Variants in BMP2K observed in about 807,000 individuals in gnomAD.
The protein encoded by BMP2K is BMP2 inducible kinase, also known as BMP-2-inducible protein kinase.
BMP2K carries 74 observed loss-of-function variants against 116.0 expected under a neutral mutation model. The ratio of observed to expected loss-of-function variants is 0.64; its 90% CI spans 0.53 to 0.77. The LOEUF (loss-of-function observed/expected upper bound fraction) is 0.77, where lower values mean the gene tolerates loss of function less well. Ranked by LOEUF, BMP2K falls within the 30% of genes least tolerant of loss-of-function variation. The pLI is 0.00. For synonymous variants in BMP2K, 486 were observed against 502.5 expected, an observed-to-expected ratio of 0.97 and a Z score of 0.44; for missense variants, 1,365 against 1,403.6, an observed-to-expected ratio of 0.97 and a Z score of 0.44.
chr4:78,794,712 G>A (rs1728169990), intron 1 of BMP2K, among the ~76,000 whole-genome samples: 1 of 152,042 alleles, frequency 6.6e-6, no homozygotes, highest in Non-Finnish European at 1.5e-5. Flanking sequence ...ACAGGCATGT[G>A]CCACTGCACC....
chr4:78,831,010 G>A (rs950041784), intron 2 of BMP2K, among the ~76,000 whole-genome samples: 12 of 152,238 alleles, frequency 7.9e-5, no homozygotes, highest in East Asian at 7.7e-4. Context: ...CTTAGATGTC[G>A]CGCTTCTTTG....
At chr4:78,850,796 GA>G (rs1271919222) in intron 6 of BMP2K, 127 bp from the exon 7 acceptor site, 48 of 838,124 alleles carry the variant, frequency 5.7e-5, no homozygotes, top group Non-Finnish European at 3.5e-6. Flanking sequence ...ATTTTTTTAA[GA>G]AATAATTTGT....
chr4:78,796,063 A>G (rs1728251076), intron 1 of BMP2K, among the ~76,000 whole-genome samples: 1 of 152,042 alleles, frequency 6.6e-6, no homozygotes, highest in South Asian at 2.1e-4. Flanking sequence ...AGGACTATAA[A>G]TCATGCTGCT....
intron 15 of BMP2K, among the ~76,000 whole-genome samples, chr4:78,905,671 T>C (rs1380523030): frequency 2.0e-5 from 3 of 152,006 alleles, no homozygotes; most frequent in African/African-American, 7.2e-5. Context: ...TAAAGCAACA[T>C]ATTTAGGCTT....
At chr4:78,900,253 A>G (rs543496234) in intron 15 of BMP2K, among the ~76,000 whole-genome samples, 1 of 152,320 alleles carries the variant, frequency 6.6e-6, no homozygotes, top group South Asian at 2.1e-4. Context: ...AACATTCAAA[A>G]TATGTTATTA....
chr4:78,898,513 G>A (rs1733828454), intron 15 of BMP2K, among the ~76,000 whole-genome samples: 2 of 151,002 alleles, frequency 1.3e-5, no homozygotes, highest in Non-Finnish European at 1.5e-5. Flanking sequence ...GAAATGGAAG[G>A]ACTTTAAAAC....
Position 78,914,955 on chromosome 4 carries a change from A to G in BMP2K, c.*2922A>G, listed in dbSNP as rs1239097234. 1 of 151,968 alleles carries G rather than the reference A, an allele frequency of 6.6e-6. No homozygotes were observed. Among genetic ancestry groups the G allele is most frequent in the Non-Finnish European group, 1.5e-5 (1 of 67,926 alleles). The allele number at this position is 151,968 out of a possible 1,614,324, so 9.4% of individuals were successfully genotyped here. On this transcript the variant is annotated 3_prime_UTR_variant, in exon 16 of 16. Coordinates refer to ENST00000502613, the MANE Select transcript of BMP2K (RefSeq NM_198892.2). ...AAGTGGACCATTTGCTTATTTTAATATCACGTCAGTAAAATGTTAGTATTA... is the reference window on the plus strand; with the variant it reads ...AAGTGGACCATTTGCTTATTTTAATGTCACGTCAGTAAAATGTTAGTATTA...
At position 78,911,864 on chromosome 4, in the gene BMP2K, A is replaced by AT; in HGVS notation, c.3319dup (p.Ser1107PhefsTer8). ...GTCCTGCCAGGGCGGCCAAGACAAAATTCACTACATGGGTCATTCCATAGT... is the reference window on the plus strand; with the variant it reads ...GTCCTGCCAGGGCGGCCAAGACAAAATTTCACTACATGGGTCATTCCATAGT... On this transcript the variant is annotated frameshift_variant, in exon 16 of 16. Transcript: ENST00000502613. LOFTEE classifies it high-confidence loss of function. 6.2e-7 allele frequency: 1 copy of AT among 1,613,980 alleles called. No individual in the cohort carries two copies. The highest frequency in any genetic ancestry group is 8.5e-7 in the Non-Finnish European group (1 of 1,179,886).
At chr4:78,871,728 C>G in intron 11 of BMP2K, 122 bp from the exon 12 acceptor site, 1 of 547,694 alleles carries the variant, frequency 1.8e-6, no homozygotes, top group East Asian at 3.1e-5. Flanking sequence ...TAGAGTATAG[C>G]TATTTTGTAT....
intron 3 of BMP2K, among the ~76,000 whole-genome samples, chr4:78,839,846 T>C (rs1463970128): frequency 6.6e-6 from 1 of 152,108 alleles, no homozygotes; most frequent in African/African-American, 2.4e-5. Flanking sequence ...CTTTTTATTC[T>C]GGCTGTGCTG....
intron 1 of BMP2K, among the ~76,000 whole-genome samples, chr4:78,821,355 A>G (rs906815135): frequency 6.6e-6 from 1 of 151,940 alleles, no homozygotes; most frequent in Non-Finnish European, 1.5e-5. Flanking sequence ...CATTATCTGT[A>G]TGTTTTTTCC....
rs999456197 is a variant in BMP2K, at chr4:78,799,615, T to C, written c.178+22894T>C. ...AGAGTTTTACATCCAAGTTTTATCT[T>C]AGTATGATTTGGCTTTTGTATCAAA... On this transcript the variant is annotated intron_variant, in intron 1 of 15. Transcript: ENST00000502613. Among the ~76,000 whole-genome samples the C allele has an allele frequency of 2.0e-5, 3 of 152,234 alleles. No homozygotes were observed. In the South Asian group the frequency reaches 6.2e-4, roughly 31 times the overall value.
chr4:78,835,152 C>T (rs1413796799), intron 3 of BMP2K, among the ~76,000 whole-genome samples: 1 of 152,140 alleles, frequency 6.6e-6, no homozygotes, highest in African/African-American at 2.4e-5. Context: ...AAATGACCTT[C>T]AAGTTTTAGG....
At chr4:78,894,838 C>T (rs1031695312) in intron 15 of BMP2K, among the ~76,000 whole-genome samples, 3 of 152,164 alleles carry the variant, frequency 2.0e-5, no homozygotes, top group Admixed American at 6.5e-5. Context: ...AGATGCATCT[C>T]GTCCTTTCAC....
intron 7 of BMP2K, among the ~76,000 whole-genome samples, chr4:78,854,008 G>A (rs948592206): frequency 2.6e-5 from 4 of 152,004 alleles, no homozygotes; most frequent in African/African-American, 9.7e-5. Context: ...ATGCTTTGAA[G>A]TGGAATTTGG....
intron 15 of BMP2K, among the ~76,000 whole-genome samples, chr4:78,894,777 C>T (rs968722090): frequency 3.3e-5 from 5 of 152,188 alleles, no homozygotes; most frequent in African/African-American, 9.7e-5. Flanking sequence ...CAGCTTTCAG[C>T]GTGCTTTCCT....
chr4:78,824,767 A>T (rs1285388011), intron 1 of BMP2K, among the ~76,000 whole-genome samples: 2 of 152,238 alleles, frequency 1.3e-5, no homozygotes, highest in Non-Finnish European at 2.9e-5. Context: ...CCATTTTAAA[A>T]AAAGTAATTG....
Position 78,845,032 on chromosome 4 carries a change from A to T in BMP2K, c.651A>T (p.Val217=), listed in dbSNP as rs971309838. The change falls in exon 5 of 16, where the codon GTA becomes GTT. Residue 217 remains valine, a synonymous_variant. Coordinates refer to ENST00000502613, the MANE Select transcript of BMP2K (RefSeq NM_198892.2). ...LNPQKDGVNV[V]EEEIKKYTTL... ...CTCAAAAAGATGGAGTTAATGTAGT[A>T]GAAGAAGAAATTAAAAAGTAAGTAT... 8.9e-6 allele frequency: 14 copies of T among 1,576,428 alleles called. No individual in the cohort carries two copies. The highest frequency in any genetic ancestry group is 1.4e-5 in the African/African-American group (1 of 73,578).
At chr4:78,830,519 T>G (rs944270759) in intron 2 of BMP2K, among the ~76,000 whole-genome samples, 2 of 152,220 alleles carry the variant, frequency 1.3e-5, no homozygotes, top group Non-Finnish European at 2.9e-5. Context: ...CAGCATCGAC[T>G]TCTTCTCTTT....
Sources: gnomAD v4.1 joint callset for allele counts (sites outside exome capture counted in the v4.1 genomes callset) on GRCh38, gnomAD v4.1.1 for gene constraint, MANE v1.5 for transcripts, NCBI Gene and HGNC (gene_info 2026-07-23, HGNC 2026-07-21) for gene names.